Variants in TXN observed in about 807,000 individuals in gnomAD.
TXN encodes the protein ADF.
A neutral mutation model predicts 16.5 loss-of-function variants in TXN; 10 were observed. That is an observed-to-expected ratio of 0.61 (90% CI 0.37 to 1.03). TXN has a LOEUF of 1.03. Among genes scored for constraint, TXN ranks in the 50% least tolerant of loss-of-function variants. The pLI, the probability that TXN is intolerant of heterozygous loss-of-function variation, is 0.01. For missense variants in TXN, 71 were observed against 122.5 expected (o/e 0.58, Z 1.98); for synonymous variants, 35 against 39.4 (o/e 0.89, Z 0.42).
At chr9:110,248,522 GC>G (rs1158590938) in intron 3 of TXN, among the ~76,000 whole-genome samples, 1 of 152,164 alleles carries the variant, frequency 6.6e-6, no homozygotes, top group Non-Finnish European at 1.5e-5. Context: ...AGGAGGCTAT[GC>G]CATCTAGGTT....
At chr9:110,245,837 G>A (rs747380422) in intron 3 of TXN, among the ~76,000 whole-genome samples, 5 of 150,914 alleles carry the variant, frequency 3.3e-5, no homozygotes, top group South Asian at 2.1e-4. Flanking sequence ...GGCCAAGGCC[G>A]GTGGGTCACC....
At chr9:110,245,614 C>A (rs1222251169) in intron 3 of TXN, among the ~76,000 whole-genome samples, 4 of 93,708 alleles carry the variant, frequency 4.3e-5, no homozygotes, top group African/African-American at 1.7e-4. Context: ...CACACACACA[C>A]ACACTATATA....
At chr9:110,254,886 A>G (rs1307527862) in intron 1 of TXN, among the ~76,000 whole-genome samples, 3 of 152,214 alleles carry the variant, frequency 2.0e-5, no homozygotes, top group African/African-American at 7.2e-5. Flanking sequence ...ACAGAATCCC[A>G]GCCCCACTCC....
chr9:110,255,920 C>A (rs1313888502), intron 1 of TXN, among the ~76,000 whole-genome samples: 1 of 152,188 alleles, frequency 6.6e-6, no homozygotes, highest in Non-Finnish European at 1.5e-5. Flanking sequence ...GCCACCGACC[C>A]GTGCCTTCTG....
chr9:110,245,624 AT>A (rs1837640974), intron 3 of TXN, among the ~76,000 whole-genome samples: 1 of 19,328 alleles, frequency 5.2e-5, no homozygotes, highest in Non-Finnish European at 8.1e-5. Flanking sequence ...CACACTATAT[AT>A]ATATATATAT....
intron 3 of TXN, among the ~76,000 whole-genome samples, chr9:110,245,352 T>C (rs1184487035): frequency 6.6e-6 from 1 of 151,722 alleles, no homozygotes; most frequent in African/African-American, 2.4e-5. Context: ...TAAAAATCAA[T>C]TGTTCAAGAA....
At chr9:110,246,259 T>G (rs185340292) in intron 3 of TXN, among the ~76,000 whole-genome samples, 1 of 152,228 alleles carries the variant, frequency 6.6e-6, no homozygotes, top group African/African-American at 2.4e-5. Flanking sequence ...CATCGCAAAT[T>G]GGGCTAGTTG....
At chr9:110,245,618 C>CACACTATATATA (rs1425530609) in intron 3 of TXN, among the ~76,000 whole-genome samples, 1 of 30,894 alleles carries the variant, frequency 3.2e-5, no homozygotes, top group African/African-American at 1.4e-4. Flanking sequence ...CACACACACA[C>CACACTATATATA]TATATATATA....
At chr9:110,247,435 G>T (rs1195278282) in intron 3 of TXN, among the ~76,000 whole-genome samples, 1 of 152,006 alleles carries the variant, frequency 6.6e-6, no homozygotes, top group African/African-American at 2.4e-5. Flanking sequence ...CTATAGTAAT[G>T]CACCATATAA....
rs1564367367 is a variant in TXN at position 110,245,630 on chromosome 9, A to AC, written c.190-788_190-787insG. On this transcript the variant is annotated intron_variant, in intron 3 of 4. Transcript: ENST00000374517. Reference sequence around the variant, plus strand: ...ACACACACACACACTATATATATATATATATATATATATATATATATATAT... The same window carrying AC: ...ACACACACACACACTATATATATATACTATATATATATATATATATATATAT... Among the ~76,000 whole-genome samples, 14 of 18,764 alleles carry AC rather than the reference A, an allele frequency of 7.5e-4. 1 individual carries two copies. Among genetic ancestry groups the AC allele is most frequent in the Non-Finnish European group, 1.1e-3 (11 of 10,426 alleles). 12.3% of individuals were successfully genotyped at this position (18,764 alleles called of 152,430 possible). A position where few individuals can be genotyped will look rare whatever the true frequency, so the allele number is the denominator to read the frequency against.
chr9:110,245,632 A>C (rs1837641911), intron 3 of TXN, among the ~76,000 whole-genome samples: 1 of 21,072 alleles, frequency 4.7e-5, no homozygotes, highest in Non-Finnish European at 8.6e-5. Flanking sequence ...ATATATATAT[A>C]TATATATATA....
intron 1 of TXN, 124 bp from the exon 2 acceptor site, chr9:110,251,586 C>CAAAAAAAAAAAA (rs5899890): frequency 3.4e-4 from 19 of 55,864 alleles, no homozygotes; most frequent in African/African-American, 1.0e-3. Flanking sequence ...ACTTTTTAGC[C>CAAAAAAAAAAAA]AAAAAAAAAA....
chr9:110,254,692 G>A (rs569337564), intron 1 of TXN, among the ~76,000 whole-genome samples: 1 of 152,220 alleles, frequency 6.6e-6, no homozygotes, highest in African/African-American at 2.4e-5. Context: ...TGGTAGAGGA[G>A]GAAGGTGCTC....
At chr9:110,249,346 T>C (rs1245561758) in intron 3 of TXN, among the ~76,000 whole-genome samples, 1 of 150,910 alleles carries the variant, frequency 6.6e-6, no homozygotes, top group African/African-American at 2.4e-5. Flanking sequence ...TCTAGAATAG[T>C]AACTTAACAA....
In TXN at chr9:110,249,125, C is replaced by CAAAAAAAAAA. The variant is rs71302631; in HGVS notation, c.189+1685_189+1694dup. On this transcript the variant is annotated intron_variant, in intron 3 of 4. Transcript: ENST00000374517. ...CCAGGTGACAGAGTGAACTCCATCT[C>CAAAAAAAAAA]AAAAAAAAAAAAAAAAAAAAAAAAA... Among the ~76,000 whole-genome samples the CAAAAAAAAAA allele has an allele frequency of 2.2e-4, 12 of 53,846 alleles. 1 individual carries two copies. The highest frequency in any genetic ancestry group is 6.2e-4 in the African/African-American group (9 of 14,502). 35.3% of individuals were successfully genotyped at this position (53,846 alleles called of 152,430 possible). A position where few individuals can be genotyped will look rare whatever the true frequency, so the allele number is the denominator to read the frequency against.
At chr9:110,250,767 GA>G in intron 3 of TXN, 52 bp downstream of exon 3, 5 of 1,359,814 alleles carry the variant, frequency 3.7e-6, no homozygotes, top group Admixed American at 1.9e-5. Context: ...GCAATTCAGA[GA>G]AAAAGGCCAA....
intron 3 of TXN, among the ~76,000 whole-genome samples, chr9:110,248,644 G>GA (rs1464509528): frequency 6.6e-6 from 1 of 152,136 alleles, no homozygotes; most frequent in Non-Finnish European, 1.5e-5. Context: ...AAGAAGACCT[G>GA]TCCTCAGTAC....
chr9:110,244,251 G>T (rs72549246), intron 4 of TXN, 32 bp from the exon 5 acceptor site: 5 of 1,200,170 alleles, frequency 4.2e-6, no homozygotes, highest in Non-Finnish European at 5.7e-6. Flanking sequence ...GACATTAGAC[G>T]TAGCACTGTA....
intron 1 of TXN, among the ~76,000 whole-genome samples, chr9:110,252,358 C>G (rs1403852993): frequency 2.0e-5 from 3 of 152,032 alleles, no homozygotes; most frequent in Admixed American, 6.5e-5. Flanking sequence ...CAGACATCAC[C>G]GTTGACATAA....
Sources: allele counts gnomAD v4.1 joint callset (sites outside exome capture counted in the v4.1 genomes callset), GRCh38; gene constraint gnomAD v4.1.1; transcripts MANE v1.5; gene names NCBI Gene and HGNC (gene_info 2026-07-23, HGNC 2026-07-21).